KCNH1: variants seen among roughly 807,000 people sequenced by gnomAD.
KCNH1 encodes the protein voltage-gated delayed rectifier potassium channel KCNH1.
In KCNH1, 27 loss-of-function variants were observed where a neutral mutation model predicts 69.2. The ratio of observed to expected loss-of-function variants is 0.39; its 90% confidence interval spans 0.29 to 0.54. KCNH1 has a LOEUF of 0.54. Among genes scored for constraint, KCNH1 ranks in the 20% least tolerant of loss-of-function variants. The pLI, the probability that KCNH1 is intolerant of heterozygous loss-of-function variation, is 0.68. For missense variants in KCNH1, 798 were observed against 1,261.6 expected (o/e 0.63, Z 5.57); for synonymous variants, 456 against 487.7 (o/e 0.93, Z 0.86).
intron 7 of KCNH1, chr1:210,861,495 T>C: frequency 1.3e-6 from 1 of 774,538 alleles, no homozygotes; most frequent in Admixed American, 1.7e-5. Flanking sequence ...AAGGCCCACT[T>C]CTTGCATTTC....
intron 10 of KCNH1, among the ~76,000 whole-genome samples, chr1:210,721,104 T>C (rs1298227108): frequency 6.6e-6 from 1 of 152,066 alleles, no homozygotes; most frequent in Non-Finnish European, 1.5e-5. Flanking sequence ...ATAACAGCCC[T>C]GAACACCTGG....
At chr1:211,040,717 A>G (rs1364472572) in intron 5 of KCNH1, among the ~76,000 whole-genome samples, 3 of 152,144 alleles carry the variant, frequency 2.0e-5, no homozygotes, top group Non-Finnish European at 4.4e-5. Flanking sequence ...ATTTTATTCT[A>G]AGCTCTTAAG....
At chr1:210,848,331 A>G (rs533831498) in intron 7 of KCNH1, among the ~76,000 whole-genome samples, 3 of 152,298 alleles carry the variant, frequency 2.0e-5, no homozygotes, top group Admixed American at 6.5e-5. Context: ...CATTTCTCTT[A>G]CTGACTGGTT....
chr1:211,080,622 A>G (rs574657293), intron 5 of KCNH1, among the ~76,000 whole-genome samples: 74 of 152,354 alleles, frequency 4.9e-4, no homozygotes, highest in African/African-American at 1.7e-3. Flanking sequence ...AAACAGATAT[A>G]TAGACTAATG....
chr1:210,800,308 C>T (rs1684403315), intron 8 of KCNH1, among the ~76,000 whole-genome samples: 1 of 152,212 alleles, frequency 6.6e-6, no homozygotes, highest in African/African-American at 2.4e-5. Context: ...AGGTCCTCTG[C>T]TCTCCAAGCA....
chr1:210,963,480 CA>C (rs1462156143), intron 6 of KCNH1, among the ~76,000 whole-genome samples: 9 of 152,198 alleles, frequency 5.9e-5, no homozygotes, highest in Non-Finnish European at 1.2e-4. Context: ...TCGGTAATAA[CA>C]AACTCCTCTG....
chr1:210,777,288 G>A (rs1683880630), intron 9 of KCNH1, among the ~76,000 whole-genome samples: 1 of 152,194 alleles, frequency 6.6e-6, no homozygotes, highest in Non-Finnish European at 1.5e-5. Flanking sequence ...CCTCCAGAAT[G>A]TGAGCTGAAA....
chr1:210,690,494 C>A (rs891227829), intron 10 of KCNH1, among the ~76,000 whole-genome samples: 1 of 152,166 alleles, frequency 6.6e-6, no homozygotes, highest in Non-Finnish European at 1.5e-5. Context: ...CCACCAGTCA[C>A]CCTGCCTGGT....
chr1:210,855,959 C>A (rs1290466346), intron 7 of KCNH1, among the ~76,000 whole-genome samples: 1 of 152,144 alleles, frequency 6.6e-6, no homozygotes, highest in East Asian at 1.9e-4. Context: ...ACCTGGCTAG[C>A]AGGTGGTCTC....
chr1:210,687,813 C>G (rs1050937876), intron 10 of KCNH1, among the ~76,000 whole-genome samples: 2 of 152,188 alleles, frequency 1.3e-5, no homozygotes, highest in Non-Finnish European at 2.9e-5. Flanking sequence ...ACAATGAGGT[C>G]TGTGCCACCA....
intron 6 of KCNH1, among the ~76,000 whole-genome samples, chr1:210,929,992 A>C (rs1354389958): frequency 6.6e-6 from 1 of 152,212 alleles, no homozygotes; most frequent in Non-Finnish European, 1.5e-5. Context: ...AAAGTCCTCT[A>C]CAATGAAAAC....
intron 9 of KCNH1, among the ~76,000 whole-genome samples, chr1:210,776,127 T>C (rs1683854919): frequency 6.6e-6 from 1 of 152,164 alleles, no homozygotes; most frequent in Admixed American, 6.5e-5. Context: ...AGGTTTCCTT[T>C]CTCTGGGATG....
At chr1:210,702,128 G>A (rs756910716) in intron 10 of KCNH1, among the ~76,000 whole-genome samples, 50 of 152,152 alleles carry the variant, frequency 3.3e-4, no homozygotes, top group Admixed American at 3.3e-4. Flanking sequence ...AATCCTTTGA[G>A]TGTAACTTAC....
chr1:211,019,603 T>C (rs1571583441), intron 5 of KCNH1, among the ~76,000 whole-genome samples: 1 of 152,226 alleles, frequency 6.6e-6, no homozygotes, highest in Non-Finnish European at 1.5e-5. Context: ...TAGCCAATTA[T>C]TATTCCATAA....
chr1:210,736,678 A>G (rs566652010), intron 10 of KCNH1, among the ~76,000 whole-genome samples: 1 of 152,220 alleles, frequency 6.6e-6, no homozygotes, highest in African/African-American at 2.4e-5. Flanking sequence ...ATGTATACAT[A>G]AATGCACCCC....
intron 6 of KCNH1, among the ~76,000 whole-genome samples, chr1:210,955,867 CT>C (rs944267698): frequency 6.6e-6 from 1 of 152,164 alleles, no homozygotes; most frequent in African/African-American, 2.4e-5. Flanking sequence ...ATTTGACTTC[CT>C]CTTTTCCTAA....
intron 10 of KCNH1, among the ~76,000 whole-genome samples, chr1:210,765,136 A>G (rs1025687075): frequency 1.1e-4 from 16 of 152,176 alleles, no homozygotes; most frequent in Non-Finnish European, 2.2e-4. Flanking sequence ...GTTCTCACTT[A>G]CAAGTAGTAG....
At chr1:210,819,999 G>A (rs764047312) in intron 7 of KCNH1, among the ~76,000 whole-genome samples, 5 of 152,352 alleles carry the variant, frequency 3.3e-5, no homozygotes, top group East Asian at 3.9e-4. Flanking sequence ...CAGCCAAATC[G>A]TGCCTTCAGA....
At chr1:210,827,458 C>CT (rs1292907923) in intron 7 of KCNH1, among the ~76,000 whole-genome samples, 1 of 152,174 alleles carries the variant, frequency 6.6e-6, no homozygotes, top group Non-Finnish European at 1.5e-5. Context: ...TTTCAAGAAC[C>CT]TAGGCTGAGA....
Sources: allele counts gnomAD v4.1 joint callset (sites outside exome capture counted in the v4.1 genomes callset), GRCh38; gene constraint gnomAD v4.1.1; transcripts MANE v1.5; gene names NCBI Gene and HGNC (gene_info 2026-07-23, HGNC 2026-07-21).